Variants in WDPCP observed in about 807,000 individuals in gnomAD.
WDPCP encodes the protein WD repeat containing planar cell polarity effector, also known as WD repeat-containing and planar cell polarity effector protein fritz homolog.
A neutral mutation model predicts 93.1 loss-of-function variants in WDPCP; 71 were observed. The observed-to-expected ratio is 0.76, with a 90% confidence interval of 0.63 to 0.93. WDPCP has a LOEUF of 0.93. Ranked by LOEUF, WDPCP falls within the 40% of genes least tolerant of loss-of-function variation. The probability of loss-of-function intolerance (pLI) is 0.00; values close to 1 mark genes in which losing one functional copy is unlikely to be tolerated. For missense variants in WDPCP, 844 were observed against 887.4 expected (o/e 0.95, Z 0.62); for synonymous variants, 315 against 315.0 (o/e 1.00, Z 0.00).
At chr2:63,681,445 G>A (rs1299876018) in intron 2 of WDPCP, among the ~76,000 whole-genome samples, 1 of 152,154 alleles carries the variant, frequency 6.6e-6, no homozygotes, top group Non-Finnish European at 1.5e-5. Flanking sequence ...GTCATGGAGT[G>A]GGGCTCCTCT....
At chr2:63,575,458 A>ACTGT (rs1491223173) in intron 1 of WDPCP, among the ~76,000 whole-genome samples, 2 of 37,744 alleles carry the variant, frequency 5.3e-5, no homozygotes, top group Non-Finnish European at 8.7e-5. Context: ...CTGTATATAC[A>ACTGT]GTATATATGC....
rs139542663 is a variant in WDPCP, at chr2:63,586,968, C to T, written c.75+1229G>A. 3.2e-4 allele frequency among the ~76,000 whole-genome samples: 48 copies of T among 152,328 alleles called. No individual in the cohort carries two copies. In the East Asian group the frequency reaches 9.1e-3, roughly 29 times the overall value. On this transcript the variant is annotated intron_variant, in intron 1 of 17. Transcript: ENST00000272321. ...TACGTATACATGCCATGTTGGTGTA[C>T]TGCACCCATTAACTCGTCATTTACA...
rs113893452 is a variant in WDPCP at position 63,482,918 on chromosome 2, G to C, written c.384+1686C>G. Among the ~76,000 whole-genome samples, 11 of 152,056 alleles carry C rather than the reference G, an allele frequency of 7.2e-5. 1 individual carries two copies. The highest frequency in any genetic ancestry group is 2.6e-4 in the African/African-American group (11 of 41,522). Reference sequence around the variant, plus strand: ...GTACACCAGCCTGATTAACCGATTAGATTACTGTAAATTACAAAAGTAATT... The same window carrying C: ...GTACACCAGCCTGATTAACCGATTACATTACTGTAAATTACAAAAGTAATT... On this transcript the variant is annotated intron_variant, in intron 6 of 17. Transcript: ENST00000272321.
At chr2:63,584,829 A>C (rs1708732494) in intron 1 of WDPCP, among the ~76,000 whole-genome samples, 1 of 152,164 alleles carries the variant, frequency 6.6e-6, no homozygotes, top group Non-Finnish European at 1.5e-5. Context: ...AAGACCAATA[A>C]ATTCTGCTCC....
Position 63,484,647 on chromosome 2 carries a change from C to CT in WDPCP, c.340dup (p.Ser114LysfsTer39), listed in dbSNP as rs1292684996. ...CTTCCATTTGCTCAGCACACACCGA[C>CT]TGTTTTGCATCAGCTCCTGAAGCAC... On this transcript the variant is annotated frameshift_variant, in exon 6 of 18. Coordinates refer to ENST00000272321, the MANE Select transcript of WDPCP (RefSeq NM_015910.7). LOFTEE classifies it high-confidence loss of function. The CT allele has an allele frequency of 1.2e-6, 2 of 1,612,788 alleles. No homozygotes were observed. Among genetic ancestry groups the CT allele is most frequent in the Non-Finnish European group, 1.7e-6 (2 of 1,179,250 alleles).
chr2:63,579,311 G>GA (rs1708332573), intron 1 of WDPCP, among the ~76,000 whole-genome samples: 1 of 152,090 alleles, frequency 6.6e-6, no homozygotes, highest in African/African-American at 2.4e-5. Context: ...TGCCAAATTA[G>GA]AAAAAAGTCA....
At chr2:63,519,492 C>T (rs1702784243) in intron 1 of WDPCP, among the ~76,000 whole-genome samples, 1 of 152,200 alleles carries the variant, frequency 6.6e-6, no homozygotes, top group Non-Finnish European at 1.5e-5. Context: ...CTTTGGCTGG[C>T]ACCACCATTA....
intron 13 of WDPCP, among the ~76,000 whole-genome samples, chr2:63,274,220 G>A (rs980699101): frequency 1.3e-5 from 2 of 151,914 alleles, no homozygotes; most frequent in South Asian, 2.1e-4. Context: ...CAAATACAGG[G>A]AAATTAAACA....
chr2:63,744,190 G>A (rs898853061), intron 2 of WDPCP, among the ~76,000 whole-genome samples: 18 of 152,028 alleles, frequency 1.2e-4, no homozygotes, highest in African/African-American at 4.1e-4. Context: ...ACTTTTTCTC[G>A]AGCAGAATAT....
intron 14 of WDPCP, among the ~76,000 whole-genome samples, chr2:63,242,206 T>C (rs1679909380): frequency 6.6e-6 from 1 of 152,104 alleles, no homozygotes; most frequent in African/African-American, 2.4e-5. Flanking sequence ...TAAAATACAT[T>C]TTAAAAGGAG....
At chr2:63,308,951 T>G (rs1685962111) in intron 13 of WDPCP, among the ~76,000 whole-genome samples, 1 of 152,156 alleles carries the variant, frequency 6.6e-6, no homozygotes, top group African/African-American at 2.4e-5. Context: ...AAGAATGACA[T>G]CATGTCCTTT....
At chr2:63,720,999 T>C (rs1262468032) in intron 2 of WDPCP, among the ~76,000 whole-genome samples, 1 of 152,188 alleles carries the variant, frequency 6.6e-6, no homozygotes, top group African/African-American at 2.4e-5. Flanking sequence ...AGCAAAGTAA[T>C]ATCTCATCTG....
intron 2 of WDPCP, among the ~76,000 whole-genome samples, chr2:63,722,610 G>T (rs1364576243): frequency 1.8e-4 from 25 of 140,816 alleles, no homozygotes; most frequent in Admixed American, 4.9e-4. Context: ...GGAGGGAGGT[G>T]GGGGGGTCAG....
At chr2:63,814,324 G>A (rs1405384242) in intron 1 of WDPCP, among the ~76,000 whole-genome samples, 6 of 148,154 alleles carry the variant, frequency 4.0e-5, no homozygotes, top group Non-Finnish European at 7.5e-5. Context: ...TGGATGATTC[G>A]AAAAAAAAAT....
At chr2:63,158,619 T>C (rs1175285780) in intron 15 of WDPCP, among the ~76,000 whole-genome samples, 1 of 152,156 alleles carries the variant, frequency 6.6e-6, no homozygotes, top group Non-Finnish European at 1.5e-5. Flanking sequence ...TCTTTGTATA[T>C]ATATATTTTT....
intron 2 of WDPCP, among the ~76,000 whole-genome samples, chr2:63,742,095 A>G (rs908000400): frequency 7.9e-5 from 12 of 152,024 alleles, no homozygotes; most frequent in African/African-American, 2.9e-4. Flanking sequence ...CTTGGCATAA[A>G]CCCAGAGGAA....
chr2:63,347,822 C>G (rs529432623), intron 12 of WDPCP, among the ~76,000 whole-genome samples: 2 of 151,732 alleles, frequency 1.3e-5, no homozygotes, highest in Non-Finnish European at 2.9e-5. Context: ...TAATGCCAGC[C>G]CCCTCTTTGA....
chr2:63,181,692 A>G (rs1463441804), intron 14 of WDPCP, among the ~76,000 whole-genome samples: 1 of 151,124 alleles, frequency 6.6e-6, no homozygotes, highest in African/African-American at 2.4e-5. Context: ...TTTTCATTCT[A>G]TATGAATTTT....
chr2:63,388,896 A>G (rs1445001246), intron 10 of WDPCP, among the ~76,000 whole-genome samples: 1 of 152,220 alleles, frequency 6.6e-6, no homozygotes, highest in Non-Finnish European at 1.5e-5. Context: ...ATATGGGACT[A>G]TGTAAAAAGA....
Sources: gnomAD v4.1 joint callset for allele counts (sites outside exome capture counted in the v4.1 genomes callset) on GRCh38, gnomAD v4.1.1 for gene constraint, MANE v1.5 for transcripts, NCBI Gene and HGNC (gene_info 2026-07-23, HGNC 2026-07-21) for gene names.